The following ARHGAP9 variants were observed in gnomAD, a reference collection of about 807,000 sequenced individuals.
ARHGAP9 encodes Rho GTPase activating protein 9.
ARHGAP9 carries 76 observed loss-of-function variants against 87.3 expected under a neutral mutation model. The ratio of observed to expected loss-of-function variants is 0.87; its 90% CI spans 0.72 to 1.05. ARHGAP9 has a LOEUF of 1.05. Ranked by LOEUF, ARHGAP9 falls within the 50% of genes least tolerant of loss-of-function variation. The probability of loss-of-function intolerance (pLI) is 0.00; values close to 1 mark genes in which losing one functional copy is unlikely to be tolerated. For synonymous variants in ARHGAP9, 382 were observed against 394.9 expected, an observed-to-expected ratio of 0.97 and a Z score of 0.39; for missense variants, 941 against 960.5, an observed-to-expected ratio of 0.98 and a Z score of 0.27.
At chr12:57,482,602 G>C (rs1875104616), upstream of ARHGAP9, among the ~76,000 whole-genome samples, 1 of 152,140 alleles carries the variant, frequency 6.6e-6, no homozygotes, top group African/African-American at 2.4e-5. Flanking sequence ...CTGCTCGGGA[G>C]GCTGAGGTGG....
At chr12:57,486,269 T>C (rs1875386419) in intron 1 of ARHGAP9, among the ~76,000 whole-genome samples, 1 of 151,980 alleles carries the variant, frequency 6.6e-6, no homozygotes. Context: ...CCATCTTGAA[T>C]CTCAATTTTT....
intron 1 of ARHGAP9, chr12:57,488,075 A>G (rs909024597): frequency 1.2e-6 from 2 of 1,610,564 alleles, no homozygotes; most frequent in African/African-American, 2.7e-5. Flanking sequence ...TGCATCAGCG[A>G]GGGATTCACG....
intron 9 of ARHGAP9, 52 bp from the exon 10 acceptor site, chr12:57,475,983 C>T (rs1166536043): frequency 6.4e-7 from 1 of 1,562,106 alleles, no homozygotes; most frequent in Non-Finnish European, 8.7e-7. Flanking sequence ...GTATAATAAG[C>T]AGGGAGACCT....
At chr12:57,479,950 G>A (rs968597760), upstream of ARHGAP9, 222 of 1,403,000 alleles carry the variant, frequency 1.6e-4, 1 homozygote, top group Middle Eastern at 3.2e-3. Context: ...CCATAGCTGC[G>A]TGCTTCCTGT....
Position 57,476,973 on chromosome 12 carries a change from A to G in ARHGAP9, c.871-10T>C. On this transcript the variant is annotated splice_polypyrimidine_tract_variant and intron_variant, in intron 5 of 17. Coordinates refer to ENST00000393791, the MANE Select transcript of ARHGAP9 (RefSeq NM_032496.4). ...TGAGGCTGAGTGAACCCTAGGGGAGAGGATTGGAGAAACAGGTGGGGAAAC... is the reference window on the plus strand; with the variant it reads ...TGAGGCTGAGTGAACCCTAGGGGAGGGGATTGGAGAAACAGGTGGGGAAAC... 3.9e-6 allele frequency: 6 copies of G among 1,530,408 alleles called. No individual in the cohort carries two copies. The highest frequency in any genetic ancestry group is 5.3e-6 in the Non-Finnish European group (6 of 1,129,938). 94.8% of individuals were successfully genotyped at this position (1,530,408 alleles called of 1,614,324 possible). A position where few individuals can be genotyped will look rare whatever the true frequency, so the allele number is the denominator to read the frequency against.
In ARHGAP9 at chr12:57,478,687, C is replaced by T. The variant is rs183913818; in HGVS notation, c.387G>A (p.Ser129=). The change falls in exon 3 of 18, where the codon TCG becomes TCA. Residue 129 remains serine (S), a synonymous_variant. Coordinates refer to ENST00000393791, the MANE Select transcript of ARHGAP9 (RefSeq NM_032496.4). The stretch of plus-strand genomic sequence containing the variant: ...TGCGGGGAAGTGGAGGAGGCTGCTC[C>T]GAGCTAGCCTGAGCCCTGCTTGGGA... ...QALPSRAQAS[S]EQPPPLPRKM... The T allele has an allele frequency of 4.5e-5, 73 of 1,614,142 alleles. No homozygotes were observed. In the East Asian group the frequency reaches 1.0e-3, roughly 22 times the overall value.
At chr12:57,477,324 C>A in intron 4 of ARHGAP9, 55 bp from the exon 5 acceptor site, 1 of 1,517,028 alleles carries the variant, frequency 6.6e-7, no homozygotes, top group South Asian at 1.3e-5. Flanking sequence ...TCTACCCACT[C>A]TCCACACCCT....
At chr12:57,487,274 C>T (rs886898881) in intron 1 of ARHGAP9, 2 of 152,044 alleles carry the variant, frequency 1.3e-5, no homozygotes, top group Non-Finnish European at 2.9e-5. Context: ...CCGCGCCCGG[C>T]CTATGTACAT....
intron 1 of ARHGAP9, among the ~76,000 whole-genome samples, chr12:57,486,889 GAA>G (rs71084758): frequency 1.9e-4 from 27 of 139,118 alleles, no homozygotes; most frequent in African/African-American, 2.9e-4. Context: ...CCGTCTCAAA[GAA>G]AAAAAAAAAA....
At position 57,479,427 on chromosome 12, in the gene ARHGAP9, G is replaced by A. The variant is rs762281729; in HGVS notation, c.-18-3C>T. ...AGCATTGTAGCCAGCACTGTCACCT[G>A]TGAGAAAAAGGGACACTGGAGACCC... On this transcript the variant is annotated splice_polypyrimidine_tract_variant and splice_region_variant and intron_variant, in intron 1 of 17. Coordinates refer to ENST00000393791, the MANE Select transcript of ARHGAP9 (RefSeq NM_032496.4). 4 of 1,603,686 alleles carry A rather than the reference G, an allele frequency of 2.5e-6. No homozygotes were observed. Among genetic ancestry groups the A allele is most frequent in the Non-Finnish European group, 3.4e-6 (4 of 1,175,772 alleles).
At chr12:57,474,821 A>T in intron 13 of ARHGAP9, 54 bp downstream of exon 13, 1 of 1,610,902 alleles carries the variant, frequency 6.2e-7, no homozygotes, top group Non-Finnish European at 8.5e-7. Flanking sequence ...GGAGGCAGAA[A>T]ATTCTAGGCC....
chr12:57,472,331 G>T lies in ARHGAP9; in HGVS notation c.*186C>A. 1.5e-6 allele frequency: 1 copy of T among 679,628 alleles called. No homozygotes were observed. The highest frequency in any genetic ancestry group is 2.4e-6 in the Non-Finnish European group (1 of 420,492). 42.1% of individuals were successfully genotyped at this position (679,628 alleles called of 1,614,324 possible). ...ATGATAACAGGGAACAAGAAGAGAA[G>T]CAGGGGTTAATCCACTCACTTTCCT... On this transcript the variant is annotated 3_prime_UTR_variant, in exon 18 of 18. Coordinates refer to ENST00000393791, the MANE Select transcript of ARHGAP9 (RefSeq NM_032496.4).
At chr12:57,477,009 G>A in intron 5 of ARHGAP9, 46 bp from the exon 6 acceptor site, 1 of 1,598,374 alleles carries the variant, frequency 6.3e-7, no homozygotes, top group Non-Finnish European at 8.6e-7. Context: ...GCTCGACTCA[G>A]GGATCCCTGG....
intron 12 of ARHGAP9, 32 bp from the exon 13 acceptor site, chr12:57,475,005 G>A (rs1424815747): frequency 1.3e-6 from 2 of 1,598,268 alleles, no homozygotes; most frequent in Non-Finnish European, 8.6e-7. Flanking sequence ...GGAAGCCAGT[G>A]CCAGCGTCAC....
intron 3 of ARHGAP9, chr12:57,477,940 C>A: frequency 7.8e-7 from 1 of 1,277,204 alleles, no homozygotes; most frequent in African/African-American, 1.5e-5. Context: ...CACCTCAGGG[C>A]CACAGGAAAG....
chr12:57,476,068 C>A lies in ARHGAP9; in HGVS notation c.1212+3G>T. 6.6e-7 allele frequency: 1 copy of A among 1,526,546 alleles called. No homozygotes were observed. Among genetic ancestry groups the A allele is most frequent in the Non-Finnish European group, 8.8e-7 (1 of 1,137,192 alleles). 94.6% of individuals were successfully genotyped at this position (1,526,546 alleles called of 1,614,324 possible). A position where few individuals can be genotyped will look rare whatever the true frequency, so the allele number is the denominator to read the frequency against. On this transcript the variant is annotated splice_donor_region_variant and intron_variant, in intron 9 of 17. Transcript: ENST00000393791. ...CCTTGGGGACGCGCGGGAGGGCGCT[C>A]ACGTGCAGGACGTTGCGGCGGCTGG...
At chr12:57,472,964 T>C (rs1872338475) in intron 17 of ARHGAP9, among the ~76,000 whole-genome samples, 1 of 152,074 alleles carries the variant, frequency 6.6e-6, no homozygotes, top group Non-Finnish European at 1.5e-5. Flanking sequence ...CAAGTGGCCA[T>C]CCTCTCTCAG....
intron 16 of ARHGAP9, 118 bp downstream of exon 16, chr12:57,473,924 C>T (rs1393976773): frequency 8.4e-6 from 12 of 1,433,218 alleles, no homozygotes; most frequent in Non-Finnish European, 1.0e-5. Flanking sequence ...CTGAGTTGAA[C>T]ATTATTTTCC....
chr12:57,478,022 AG>A, intron 3 of ARHGAP9: 1 of 1,069,452 alleles, frequency 9.4e-7, no homozygotes, highest in Non-Finnish European at 1.2e-6. Flanking sequence ...GCAAGGTAAA[AG>A]AAGACAGAGA....
Sources: allele counts gnomAD v4.1 joint callset (sites outside exome capture counted in the v4.1 genomes callset), GRCh38; gene constraint gnomAD v4.1.1; transcripts MANE v1.5; gene names NCBI Gene and HGNC (gene_info 2026-07-23, HGNC 2026-07-21).